The following CPLX1 variants were observed in gnomAD, a reference collection of about 807,000 sequenced individuals.
CPLX1 encodes complexin-1.
CPLX1 carries 6 observed loss-of-function variants against 15.6 expected under a neutral mutation model. The ratio of observed to expected loss-of-function variants is 0.39; its 90% CI spans 0.21 to 0.76. The LOEUF (loss-of-function observed/expected upper bound fraction) is 0.76. Ranked by LOEUF, CPLX1 falls within the 30% of genes least tolerant of loss-of-function variation. The pLI is 0.43. For synonymous variants in CPLX1, 91 were observed against 75.2 expected (o/e 1.21, Z -1.08); for missense variants, 242 against 188.6 (o/e 1.28, Z -1.66).
intron 2 of CPLX1, 48 bp from the exon 3 acceptor site, chr4:792,656 G>A: frequency 6.4e-7 from 1 of 1,565,532 alleles, no homozygotes; most frequent in Admixed American, 1.7e-5. Context: ...GATGTCCAGG[G>A]CCGGGCTAGT....
intron 3 of CPLX1, among the ~76,000 whole-genome samples, chr4:790,336 G>C (rs543931550): frequency 1.2e-3 from 189 of 152,278 alleles, no homozygotes; most frequent in African/African-American, 4.3e-3. Context: ...TCGCAGGTTG[G>C]TGCCTGGCAG....
rs1419878104 is a variant in CPLX1 at position 785,568 on chromosome 4, C to G, written c.*933G>C. The G allele has an allele frequency of 1.3e-5, 2 of 151,388 alleles. No individual in the cohort carries two copies. Among genetic ancestry groups the G allele is most frequent in the Admixed American group, 6.6e-5 (1 of 15,176 alleles). The allele number at this position is 151,388 out of a possible 1,614,324, so 9.4% of individuals were successfully genotyped here. A position where few individuals can be genotyped will look rare whatever the true frequency, so the allele number is the denominator to read the frequency against. On this transcript the variant is annotated 3_prime_UTR_variant, in exon 4 of 4. Transcript: ENST00000304062. The stretch of plus-strand genomic sequence containing the variant: ...GAGAAACAGGGGCTCGGATGCCGCC[C>G]CGCAGGGCCACCAGGTGGATTAGGC...
intron 2 of CPLX1, among the ~76,000 whole-genome samples, chr4:821,906 A>G (rs1307381601): frequency 6.6e-6 from 1 of 152,062 alleles, no homozygotes; most frequent in Admixed American, 6.5e-5. Flanking sequence ...CAGCCCCCGA[A>G]TGGTCTTGAT....
intron 2 of CPLX1, among the ~76,000 whole-genome samples, chr4:803,761 C>T (rs1746504564): frequency 6.6e-6 from 1 of 151,956 alleles, no homozygotes; most frequent in Non-Finnish European, 1.5e-5. Context: ...ACCTCCACTC[C>T]TGGGTTCAAG....
intron 2 of CPLX1, among the ~76,000 whole-genome samples, chr4:801,094 C>A (rs1336475498): frequency 6.6e-6 from 1 of 151,248 alleles, no homozygotes; most frequent in Non-Finnish European, 1.5e-5. Flanking sequence ...GCGGGCAGAT[C>A]ACGAGGTCAG....
chr4:814,431 T>C (rs1177320241), intron 2 of CPLX1, among the ~76,000 whole-genome samples: 1 of 152,182 alleles, frequency 6.6e-6, no homozygotes, highest in East Asian at 1.9e-4. Flanking sequence ...CAGGCTGATC[T>C]TGAACTCCTG....
intron 2 of CPLX1, among the ~76,000 whole-genome samples, chr4:803,435 G>C (rs1374131942): frequency 1.3e-5 from 2 of 152,100 alleles, no homozygotes; most frequent in Admixed American, 1.3e-4. Flanking sequence ...CTGTCGCCCA[G>C]GCTGGTGTAC....
At chr4:824,883 C>A in intron 1 of CPLX1, 1 of 455,016 alleles carries the variant, frequency 2.2e-6, no homozygotes, top group Admixed American at 3.2e-5. Context: ...TGGCGCCAGG[C>A]TGCGGAAGCA....
chr4:787,684 G>A (rs1172243346), intron 3 of CPLX1: 3 of 984,996 alleles, frequency 3.0e-6, no homozygotes, highest in Middle Eastern at 5.2e-4. Flanking sequence ...GAGGGAGTGT[G>A]GGATTTTGTT....
intron 2 of CPLX1, among the ~76,000 whole-genome samples, chr4:795,201 A>C (rs935025294): frequency 1.3e-5 from 2 of 152,266 alleles, no homozygotes; most frequent in African/African-American, 4.8e-5. Flanking sequence ...AATTGGGCGC[A>C]GCCAGGAGCG....
intron 3 of CPLX1, among the ~76,000 whole-genome samples, chr4:789,993 C>T (rs1399192032): frequency 1.1e-5 from 1 of 93,962 alleles, no homozygotes; most frequent in Non-Finnish European, 2.1e-5. Flanking sequence ...AGGCAGGGTT[C>T]CCCCACCCCA....
At chr4:787,213 G>A (rs3816683) in intron 3 of CPLX1, 542,291 of 985,060 alleles carry the variant, frequency 0.55, 150,011 homozygotes, top group Middle Eastern at 0.63. Flanking sequence ...CTGGCAGGCC[G>A]CTGCAGCTCC....
chr4:809,662 C>A (rs1318233234), intron 2 of CPLX1, among the ~76,000 whole-genome samples: 1 of 152,220 alleles, frequency 6.6e-6, no homozygotes, highest in Non-Finnish European at 1.5e-5. Context: ...TACCCTAAGT[C>A]TGTTTTGACG....
intron 2 of CPLX1, chr4:804,963 T>C: frequency 1.0e-6 from 1 of 984,708 alleles, no homozygotes. Context: ...GTCCCACTCC[T>C]GCGCGGCGGC....
chr4:816,452 T>G (rs1298142647), intron 2 of CPLX1, among the ~76,000 whole-genome samples: 3 of 151,980 alleles, frequency 2.0e-5, no homozygotes, highest in African/African-American at 7.3e-5. Context: ...ACTCCTGACC[T>G]CGTGATCCAC....
chr4:797,661 C>T (rs772077274), intron 2 of CPLX1, among the ~76,000 whole-genome samples: 7 of 143,610 alleles, frequency 4.9e-5, no homozygotes, highest in Admixed American at 1.4e-4. Flanking sequence ...AGGCCGGGCG[C>T]GGTGGCTCAC....
At chr4:793,737 C>G (rs1746252558) in intron 2 of CPLX1, among the ~76,000 whole-genome samples, 1 of 152,240 alleles carries the variant, frequency 6.6e-6, no homozygotes, top group Non-Finnish European at 1.5e-5. Flanking sequence ...CCGCGGCCAC[C>G]CGGCCCCCTC....
chr4:800,623 G>A (rs868540768), intron 2 of CPLX1, among the ~76,000 whole-genome samples: 7 of 122,010 alleles, frequency 5.7e-5, no homozygotes, highest in Admixed American at 8.7e-5. Flanking sequence ...ATGGTGACGG[G>A]CAACCGTAAT....
chr4:792,694 G>GC (rs1746220908), intron 2 of CPLX1, 86 bp from the exon 3 acceptor site: 2 of 1,439,150 alleles, frequency 1.4e-6, no homozygotes, highest in African/African-American at 2.9e-5. Flanking sequence ...CCACCTTCTG[G>GC]CCGACCCCCC....
Sources: gnomAD v4.1 joint callset for allele counts (sites outside exome capture counted in the v4.1 genomes callset) on GRCh38, gnomAD v4.1.1 for gene constraint, MANE v1.5 for transcripts, NCBI Gene and HGNC (gene_info 2026-07-23, HGNC 2026-07-21) for gene names.